The following GAS2 variants were observed in gnomAD, a reference collection of about 807,000 sequenced individuals.
GAS2 encodes growth arrest specific 2.
Under a neutral mutation model 37.5 loss-of-function variants are expected in GAS2, and 20 were observed. The ratio of observed to expected loss-of-function variants is 0.53; its 90% CI spans 0.37 to 0.77. GAS2 has a LOEUF of 0.77. Among genes scored for constraint, GAS2 ranks in the 30% least tolerant of loss-of-function variants. The pLI is 0.00. For missense variants in GAS2, 336 were observed against 373.4 expected (o/e 0.90, Z 0.82); for synonymous variants, 144 against 132.2 (o/e 1.09, Z -0.61).
intron 1 of GAS2, among the ~76,000 whole-genome samples, chr11:22,641,299 TATC>T (rs1848626012): frequency 3.2e-5 from 1 of 31,124 alleles, no homozygotes; most frequent in Non-Finnish European, 5.8e-5. Flanking sequence ...TTTATATATA[TATC>T]TTTATATATA....
intron 5 of GAS2, among the ~76,000 whole-genome samples, 190 bp downstream of exon 5, chr11:22,737,958 C>G (rs1168766703): frequency 2.0e-5 from 3 of 152,182 alleles, no homozygotes; most frequent in Non-Finnish European, 2.9e-5. Flanking sequence ...TATTCCTAAC[C>G]TCAAGATCTT....
rs182932555 is a variant in GAS2, at chr11:22,756,118, G to A, written c.723+165G>A. 6.0e-3 allele frequency among the ~76,000 whole-genome samples: 914 copies of A among 152,046 alleles called. 9 individuals are homozygous for A. The highest frequency in any genetic ancestry group is 0.021 in the African/African-American group (869 of 41,476). On this transcript the variant is annotated intron_variant, in intron 7 of 7. Coordinates refer to ENST00000454584, the MANE Select transcript of GAS2 (RefSeq NM_001143830.3). The stretch of plus-strand genomic sequence containing the variant: ...CATACATTATAATGTACTACTGAAG[G>A]CTAAATACAACTGTTTTCTCTTTGT...
intron 1 of GAS2, among the ~76,000 whole-genome samples, chr11:22,673,576 C>T (rs1051591027): frequency 1.3e-5 from 2 of 152,160 alleles, no homozygotes; most frequent in Admixed American, 6.5e-5. Context: ...ATTAGTTCTT[C>T]CGTAGTCTTA....
chr11:22,652,138 G>A (rs947541705), intron 1 of GAS2, among the ~76,000 whole-genome samples: 26 of 152,274 alleles, frequency 1.7e-4, no homozygotes, highest in African/African-American at 5.5e-4. Context: ...CCTTCTAAGA[G>A]ACAGGACCCT....
chr11:22,789,439 T>C (rs868110777), intron 7 of GAS2, among the ~76,000 whole-genome samples: 2 of 99,532 alleles, frequency 2.0e-5, no homozygotes, highest in Admixed American at 2.2e-4. Context: ...TATATATATA[T>C]ATATATATAT....
chr11:22,811,755 A>C (rs775503274), intron 7 of GAS2, 43 bp from the exon 8 acceptor site: 7 of 1,576,720 alleles, frequency 4.4e-6, no homozygotes, highest in Non-Finnish European at 3.5e-6. Flanking sequence ...AGGTACTGTA[A>C]GAATTCTCGG....
chr11:22,747,212 A>G (rs1853456114), intron 5 of GAS2, among the ~76,000 whole-genome samples: 1 of 151,954 alleles, frequency 6.6e-6, no homozygotes, highest in African/African-American at 2.4e-5. Flanking sequence ...GAATTTTTTT[A>G]CATTCAAATG....
intron 3 of GAS2, among the ~76,000 whole-genome samples, chr11:22,694,116 C>T (rs1317046089): frequency 6.6e-6 from 1 of 152,078 alleles, no homozygotes; most frequent in African/African-American, 2.4e-5. Context: ...CCCTCTGACA[C>T]AAGTTTACCT....
At position 22,721,959 on chromosome 11, in the gene GAS2, A is replaced by G. The variant is rs541896923; in HGVS notation, c.268-4333A>G. Among the ~76,000 whole-genome samples the G allele has an allele frequency of 4.6e-5, 7 of 152,104 alleles. No homozygotes were observed. The East Asian group carries it at 1.4e-3, about 29-fold the overall frequency. On this transcript the variant is annotated intron_variant, in intron 3 of 7. Transcript: ENST00000454584. Reference sequence around the variant, plus strand: ...AATGCTTACTAATACACTTTAATTAATTTGCACCCCCATACACATAGTCAA... The same window carrying G: ...AATGCTTACTAATACACTTTAATTAGTTTGCACCCCCATACACATAGTCAA...
intron 1 of GAS2, among the ~76,000 whole-genome samples, chr11:22,654,687 T>C (rs1848836126): frequency 6.6e-6 from 1 of 152,212 alleles, no homozygotes; most frequent in Non-Finnish European, 1.5e-5. Flanking sequence ...TAAGCCATCA[T>C]GCTTGAACTG....
chr11:22,717,598 C>A (rs570136610), intron 3 of GAS2, among the ~76,000 whole-genome samples: 1 of 152,134 alleles, frequency 6.6e-6, no homozygotes, highest in African/African-American at 2.4e-5. Flanking sequence ...AACCCAAGAG[C>A]AAATGCAACA....
chr11:22,783,027 G>A (rs143604771), intron 7 of GAS2, among the ~76,000 whole-genome samples: 1 of 152,178 alleles, frequency 6.6e-6, no homozygotes, highest in East Asian at 1.9e-4. Flanking sequence ...CTCCAAACTG[G>A]TCTTTACAGA....
At chr11:22,792,549 A>T (rs1243987688) in intron 7 of GAS2, among the ~76,000 whole-genome samples, 1 of 152,268 alleles carries the variant, frequency 6.6e-6, no homozygotes, top group African/African-American at 2.4e-5. Flanking sequence ...ATTTAAGAGC[A>T]AAGAGTCAAC....
intron 7 of GAS2, among the ~76,000 whole-genome samples, chr11:22,811,324 C>T (rs113719932): frequency 5.9e-5 from 9 of 152,126 alleles, no homozygotes; most frequent in African/African-American, 1.4e-4. Context: ...TTTTAGTGCA[C>T]TTTCAATGTT....
chr11:22,760,137 ATT>A (rs76734031), intron 7 of GAS2, among the ~76,000 whole-genome samples: 161 of 144,170 alleles, frequency 1.1e-3, no homozygotes, highest in Admixed American at 2.8e-3. Flanking sequence ...TTAATTTTTA[ATT>A]TTTTTTTTTT....
In GAS2 at chr11:22,774,108, C is replaced by G. The variant is rs552541437; in HGVS notation, c.723+18155C>G. Among the ~76,000 whole-genome samples the G allele has an allele frequency of 1.6e-3, 244 of 152,320 alleles. 1 individual carries two copies. The highest frequency in any genetic ancestry group is 5.9e-5 in the Non-Finnish European group (4 of 68,028). On this transcript the variant is annotated intron_variant, in intron 7 of 7. Transcript: ENST00000454584. Reference sequence around the variant, plus strand: ...TCCCGGGTTCAAGCAATTCCCCTGTCTCAGCCTCCCAAGTAGCTGAGATTA... The same window carrying G: ...TCCCGGGTTCAAGCAATTCCCCTGTGTCAGCCTCCCAAGTAGCTGAGATTA...
At chr11:22,673,937 T>C (rs1323157650) in intron 1 of GAS2, among the ~76,000 whole-genome samples, 4 of 152,170 alleles carry the variant, frequency 2.6e-5, no homozygotes, top group Non-Finnish European at 4.4e-5. Flanking sequence ...AAACGCAGCA[T>C]GTAAAACAAA....
At chr11:22,743,935 T>C (rs78710855) in intron 5 of GAS2, among the ~76,000 whole-genome samples, 2,099 of 151,938 alleles carry the variant, frequency 0.014, 57 homozygotes, top group African/African-American at 0.048. Flanking sequence ...CCAAAGAAGC[T>C]CAGTCAGGAA....
At chr11:22,653,749 C>A (rs1298072265) in intron 1 of GAS2, among the ~76,000 whole-genome samples, 1 of 152,148 alleles carries the variant, frequency 6.6e-6, no homozygotes, top group Non-Finnish European at 1.5e-5. Flanking sequence ...CAGTTTTAAA[C>A]GTGGCTTCAG....
Sources: allele counts gnomAD v4.1 joint callset (sites outside exome capture counted in the v4.1 genomes callset), GRCh38; gene constraint gnomAD v4.1.1; transcripts MANE v1.5; gene names NCBI Gene and HGNC (gene_info 2026-07-23, HGNC 2026-07-21).